SLC17A1: variants seen among roughly 807,000 people sequenced by gnomAD.
The protein encoded by SLC17A1 is solute carrier family 17 member 1.
In SLC17A1, 51 loss-of-function variants were observed where a neutral mutation model predicts 53.5. That is an observed-to-expected ratio of 0.95 (90% CI 0.76 to 1.20). The LOEUF is 1.20. SLC17A1 is among the 50% of genes most tolerant of loss of function. The pLI, the probability that SLC17A1 is intolerant of heterozygous loss-of-function variation, is 0.00. For missense variants in SLC17A1, 538 were observed against 568.2 expected (o/e 0.95, Z 0.54); for synonymous variants, 179 against 198.8 (o/e 0.90, Z 0.84).
chr6:25,778,954 G>A, downstream of SLC17A1: 1 of 1,486,972 alleles, frequency 6.7e-7, no homozygotes, highest in Non-Finnish European at 9.2e-7. Context: ...CCAGAGTGGA[G>A]GTCGGGGAGG....
At chr6:25,730,432 T>C in the SLC17A1 span, among the ~76,000 whole-genome samples, 1 of 152,156 alleles carries the variant, frequency 6.6e-6, no homozygotes, top group African/African-American at 2.4e-5. Flanking sequence ...TATGATCTCA[T>C]AAGTGGAATT....
chr6:25,776,813 G>T, the SLC17A1 span: 12 of 1,613,770 alleles, frequency 7.4e-6, no homozygotes, highest in Admixed American at 1.2e-4. Context: ...CTACCCCAGG[G>T]GTTCTCTTCC....
intron 11 of SLC17A1, among the ~76,000 whole-genome samples, chr6:25,799,274 TAAAG>T (rs1262782399): frequency 1.3e-5 from 2 of 152,204 alleles, no homozygotes; most frequent in Non-Finnish European, 2.9e-5. Flanking sequence ...CTTATATAGA[TAAAG>T]AGTGTCTTCA....
At chr6:25,830,196 C>T (rs1764896964) in intron 2 of SLC17A1, among the ~76,000 whole-genome samples, 2 of 152,158 alleles carry the variant, frequency 1.3e-5, no homozygotes, top group Admixed American at 6.5e-5. Context: ...GAACATTCAT[C>T]CTGCCTTACT....
intron 11 of SLC17A1, 59 bp from the exon 12 acceptor site, chr6:25,798,978 AT>A: frequency 1.4e-6 from 2 of 1,461,960 alleles, no homozygotes; most frequent in Non-Finnish European, 1.8e-6. Flanking sequence ...TTGTTTTGTA[AT>A]GTTTAAAATG....
the SLC17A1 span, chr6:25,726,236 A>G: frequency 6.2e-7 from 1 of 1,613,556 alleles, no homozygotes; most frequent in South Asian, 1.1e-5. Flanking sequence ...ACGCCGCCCA[A>G]AAGCTTATTG....
chr6:25,814,859 C>T (rs1764282429), intron 6 of SLC17A1, among the ~76,000 whole-genome samples: 1 of 151,694 alleles, frequency 6.6e-6, no homozygotes, highest in Non-Finnish European at 1.5e-5. Context: ...AGCTATGTGC[C>T]CCTGTAATCC....
intron 10 of SLC17A1, among the ~76,000 whole-genome samples, chr6:25,806,427 A>G (rs1284369152): frequency 6.6e-6 from 1 of 152,114 alleles, no homozygotes; most frequent in Non-Finnish European, 1.5e-5. Context: ...ATCATACGAA[A>G]TAGGGAAAAG....
chr6:25,791,932 T>C (rs1044287828), intron 12 of SLC17A1, among the ~76,000 whole-genome samples: 1 of 152,226 alleles, frequency 6.6e-6, no homozygotes. Context: ...CTTCAAGGAA[T>C]AGAGCTGTAG....
the SLC17A1 span, among the ~76,000 whole-genome samples, chr6:25,776,241 G>A: frequency 6.6e-6 from 1 of 151,850 alleles, no homozygotes; most frequent in Admixed American, 6.6e-5. Flanking sequence ...GAGTAAAGTT[G>A]GATACCTTTT....
the SLC17A1 span, chr6:25,732,135 T>TAG: frequency 1.8e-6 from 1 of 556,198 alleles, no homozygotes; most frequent in South Asian, 2.3e-5. Context: ...TCGGAAATGG[T>TAG]AGTGCCCTTT....
At chr6:25,802,460 T>C (rs1218101756) in intron 10 of SLC17A1, among the ~76,000 whole-genome samples, 1 of 152,220 alleles carries the variant, frequency 6.6e-6, no homozygotes, top group East Asian at 1.9e-4. Context: ...TTTCTGTGAT[T>C]ATTTATATGA....
chr6:25,812,483 C>A (rs1410280921), intron 8 of SLC17A1, among the ~76,000 whole-genome samples: 1 of 152,188 alleles, frequency 6.6e-6, no homozygotes, highest in Non-Finnish European at 1.5e-5. Flanking sequence ...AGTGACAGGG[C>A]CTGGCTAAGT....
downstream of SLC17A1, among the ~76,000 whole-genome samples, chr6:25,778,229 G>A (rs1763097096): frequency 6.6e-6 from 1 of 151,658 alleles, no homozygotes; most frequent in Non-Finnish European, 1.5e-5. Context: ...AGAAGTATGT[G>A]GCATTCTTAT....
chr6:25,773,706 T>C, the SLC17A1 span: 2 of 1,600,036 alleles, frequency 1.2e-6, no homozygotes, highest in Non-Finnish European at 8.5e-7. Context: ...TCTGATCTTC[T>C]GTTTAAATGC....
intron 11 of SLC17A1, among the ~76,000 whole-genome samples, chr6:25,800,605 T>C (rs1763727386): frequency 6.6e-6 from 1 of 152,176 alleles, no homozygotes. Flanking sequence ...AATACCTGTG[T>C]TGATCAATCC....
At chr6:25,761,832 T>C in the SLC17A1 span, 1 of 676,680 alleles carries the variant, frequency 1.5e-6, no homozygotes, top group Non-Finnish European at 2.4e-6. Flanking sequence ...CCACTTTTCT[T>C]ATACAGCAAC....
At chr6:25,784,253 C>A (rs12662869) in intron 12 of SLC17A1, among the ~76,000 whole-genome samples, 51,934 of 151,998 alleles carry the variant, frequency 0.34, 9,693 homozygotes, top group East Asian at 0.76. Context: ...CATAGGCAAT[C>A]ATGATACATC....
chr6:25,734,242 C>A, the SLC17A1 span, among the ~76,000 whole-genome samples: 95,704 of 152,002 alleles, frequency 0.63, 32,306 homozygotes, highest in East Asian at 0.86. Flanking sequence ...ATTTAGATAG[C>A]GATATTTAGG....
Sources: gnomAD v4.1 joint callset for allele counts (sites outside exome capture counted in the v4.1 genomes callset) on GRCh38, gnomAD v4.1.1 for gene constraint, MANE v1.5 for transcripts, NCBI Gene and HGNC (gene_info 2026-07-23, HGNC 2026-07-21) for gene names.